Variants in VPS37A observed in about 807,000 individuals in gnomAD.
The protein encoded by VPS37A is vacuolar protein sorting-associated protein 37A.
Under a neutral mutation model 49.8 loss-of-function variants are expected in VPS37A, and 30 were observed. The observed-to-expected ratio is 0.60, with a 90% CI of 0.45 to 0.82. The LOEUF (loss-of-function observed/expected upper bound fraction) is 0.82, where lower values mean the gene tolerates loss of function less well. Among genes scored for constraint, VPS37A ranks in the 40% least tolerant of loss-of-function variants. The probability of loss-of-function intolerance (pLI) is 0.00; values close to 1 mark genes in which losing one functional copy is unlikely to be tolerated. For synonymous variants in VPS37A, 195 were observed against 160.6 expected (o/e 1.21, Z -1.62); for missense variants, 593 against 464.4 (o/e 1.28, Z -2.55).
chr8:17,266,376 T>C lies in VPS37A; in HGVS notation c.200+395T>C, dbSNP rs75850850. Reference sequence around the variant, plus strand: ...ATATTCCAAATTTCAGCAACAGATATACTACATCAACCAGAAAGTTCAAGA... The same window carrying C: ...ATATTCCAAATTTCAGCAACAGATACACTACATCAACCAGAAAGTTCAAGA... On this transcript the variant is annotated intron_variant, in intron 2 of 11. Coordinates refer to ENST00000324849, the MANE Select transcript of VPS37A (RefSeq NM_152415.3). Among the ~76,000 whole-genome samples the C allele has an allele frequency of 5.4e-4, 83 of 152,306 alleles. 2 individuals are homozygous for C. The East Asian group carries it at 0.015, about 27-fold the overall frequency.
At chr8:17,309,429 C>T in the VPS37A span, 1 of 800,216 alleles carries the variant, frequency 1.2e-6, no homozygotes, top group Non-Finnish European at 2.1e-6. Flanking sequence ...GCAGAAGTCC[C>T]CATCCTCGAG....
chr8:17,310,177 T>A, the VPS37A span, among the ~76,000 whole-genome samples: 3 of 151,846 alleles, frequency 2.0e-5, no homozygotes, highest in Non-Finnish European at 4.4e-5. Context: ...TTTTTTTAAT[T>A]TTTTATAGAG....
intron 1 of VPS37A, among the ~76,000 whole-genome samples, chr8:17,262,001 C>G (rs1813004519): frequency 6.6e-6 from 1 of 152,136 alleles, no homozygotes; most frequent in South Asian, 2.1e-4. Flanking sequence ...AGTCTCCTGC[C>G]AGGGAACCAA....
Position 17,246,995 on chromosome 8 carries a change from G to T in VPS37A, c.-250G>T, listed in dbSNP as rs1811274168. 1.9e-6 allele frequency: 1 copy of T among 528,998 alleles called. No individual in the cohort carries two copies. Among genetic ancestry groups the T allele is most frequent in the Non-Finnish European group, 3.4e-6 (1 of 297,698 alleles). The allele number at this position is 528,998 out of a possible 1,614,324, so 32.8% of individuals were successfully genotyped here. A position where few individuals can be genotyped will look rare whatever the true frequency, so the allele number is the denominator to read the frequency against. ...GGCTCCCTGGCTGGCCGGTTTGGGC[G>T]TCTGGGCCGTGAAGGTGGGACCTCC... is the stretch of plus-strand genomic sequence containing the variant. On this transcript the variant is annotated 5_prime_UTR_variant, in exon 1 of 12. Transcript: ENST00000324849.
Position 17,295,219 on chromosome 8 carries a change from G to T in VPS37A, c.*233G>T, listed in dbSNP as rs1362235001. ...AATGTTTATTTATTGTTGATAAATT[G>T]TATCATATTTAAGTTCCACTGCTGT... On this transcript the variant is annotated 3_prime_UTR_variant, in exon 12 of 12. Coordinates refer to ENST00000324849, the MANE Select transcript of VPS37A (RefSeq NM_152415.3). 6.6e-6 allele frequency: 1 copy of T among 152,438 alleles called. No homozygotes were observed. 9.4% of individuals were successfully genotyped at this position (152,438 alleles called of 1,614,324 possible).
At chr8:17,304,144 A>T (rs2150467128), downstream of VPS37A, among the ~76,000 whole-genome samples, 1 of 152,306 alleles carries the variant, frequency 6.6e-6, no homozygotes, top group South Asian at 2.1e-4. Flanking sequence ...TTTTTATGAT[A>T]TCATTATTAT....
At chr8:17,279,876 G>A (rs1814874022) in intron 6 of VPS37A, 152 bp from the exon 7 acceptor site, 2 of 862,792 alleles carry the variant, frequency 2.3e-6, no homozygotes, top group Non-Finnish European at 3.7e-6. Context: ...TGTTTTATTT[G>A]ATTTTAAGGT....
chr8:17,281,585 GA>G (rs1815056913), intron 9 of VPS37A, among the ~76,000 whole-genome samples: 1 of 152,006 alleles, frequency 6.6e-6, no homozygotes. Flanking sequence ...TTAGGAATAA[GA>G]GAGTAATGCC....
chr8:17,249,001 AGTT>A (rs1379230426), intron 1 of VPS37A, among the ~76,000 whole-genome samples: 3 of 152,264 alleles, frequency 2.0e-5, no homozygotes, highest in Non-Finnish European at 4.4e-5. Flanking sequence ...TTCCCTTAGA[AGTT>A]GTTACCTTGG....
chr8:17,309,327 C>T, the VPS37A span: 8 of 1,552,996 alleles, frequency 5.2e-6, 1 homozygote, highest in Non-Finnish European at 2.7e-6. Context: ...CAATTAATAC[C>T]TACACAAGAA....
the VPS37A span, among the ~76,000 whole-genome samples, chr8:17,321,776 T>G: frequency 6.6e-6 from 1 of 152,186 alleles, no homozygotes; most frequent in Non-Finnish European, 1.5e-5. Context: ...GGCTTACTAA[T>G]CCTGAGTTTC....
Position 17,247,065 on chromosome 8 carries a change from A to G in VPS37A, c.-180A>G, listed in dbSNP as rs1400562528. ...CCCTCTCCAGCCGCCCGCCGTTCGT[A>G]GCATGTCCCCCAGAACTCGGGGAGC... On this transcript the variant is annotated 5_prime_UTR_variant, in exon 1 of 12. Transcript: ENST00000324849. 12 of 770,678 alleles carry G rather than the reference A, an allele frequency of 1.6e-5. No homozygotes were observed. The highest frequency in any genetic ancestry group is 7.1e-5 in the African/African-American group (4 of 56,736). 47.7% of individuals were successfully genotyped at this position (770,678 alleles called of 1,614,324 possible).
intron 1 of VPS37A, among the ~76,000 whole-genome samples, chr8:17,258,614 T>A (rs1812692726): frequency 6.6e-6 from 1 of 152,056 alleles, no homozygotes; most frequent in South Asian, 2.1e-4. Flanking sequence ...TTTTCTTGTT[T>A]CTATGGGTGA....
chr8:17,271,341 C>G (rs1262170442), intron 4 of VPS37A, among the ~76,000 whole-genome samples: 1 of 152,170 alleles, frequency 6.6e-6, no homozygotes, highest in Non-Finnish European at 1.5e-5. Flanking sequence ...CGCGGTGGCT[C>G]ACGCCTGTAA....
chr8:17,249,192 G>A (rs1206166421), intron 1 of VPS37A, among the ~76,000 whole-genome samples: 3 of 152,106 alleles, frequency 2.0e-5, no homozygotes, highest in Non-Finnish European at 4.4e-5. Flanking sequence ...GTCTCTTGCT[G>A]CTAAGGCTGG....
At chr8:17,267,392 A>C (rs904737125) in intron 2 of VPS37A, among the ~76,000 whole-genome samples, 1 of 152,190 alleles carries the variant, frequency 6.6e-6, no homozygotes, top group Non-Finnish European at 1.5e-5. Context: ...TTTCATATCC[A>C]GTAAACTCTC....
At chr8:17,312,808 T>TA in the VPS37A span, among the ~76,000 whole-genome samples, 183 of 152,040 alleles carry the variant, frequency 1.2e-3, 1 homozygote, top group Admixed American at 9.8e-3. Context: ...TTTATTTCTT[T>TA]AAAAAAAACT....
chr8:17,313,157 G>A, the VPS37A span: 5 of 552,080 alleles, frequency 9.1e-6, no homozygotes, highest in African/African-American at 1.9e-5. Context: ...CACAGACTAC[G>A]GAGCTCTACA....
At chr8:17,314,264 C>G in the VPS37A span, among the ~76,000 whole-genome samples, 1 of 152,092 alleles carries the variant, frequency 6.6e-6, no homozygotes, top group East Asian at 1.9e-4. Context: ...GAAATTCAAT[C>G]AAGAAATCAT....
Sources: gnomAD v4.1 joint callset for allele counts (sites outside exome capture counted in the v4.1 genomes callset) on GRCh38, gnomAD v4.1.1 for gene constraint, MANE v1.5 for transcripts, NCBI Gene and HGNC (gene_info 2026-07-23, HGNC 2026-07-21) for gene names.